The following CCDC69 variants were observed in gnomAD, a reference collection of about 807,000 sequenced individuals.
CCDC69 encodes coiled-coil domain containing 69, also known as coiled-coil domain-containing protein 69.
CCDC69 carries 38 observed loss-of-function variants against 40.3 expected under a neutral mutation model. The ratio of observed to expected loss-of-function variants is 0.94; its 90% CI spans 0.73 to 1.24. The LOEUF (loss-of-function observed/expected upper bound fraction) is 1.24. Among genes scored for constraint, CCDC69 ranks in the 50% most tolerant of loss-of-function variants. The pLI is 0.00. For missense variants in CCDC69, 389 were observed against 357.9 expected, an observed-to-expected ratio of 1.09 and a Z score of -0.70; for synonymous variants, 141 against 138.9, an observed-to-expected ratio of 1.02 and a Z score of -0.11.
At chr5:151,184,791 A>G in intron 7 of CCDC69, 1 of 187,486 alleles carries the variant, frequency 5.3e-6, no homozygotes, top group Non-Finnish European at 1.1e-5. Flanking sequence ...AAATGAGCGA[A>G]CAAAATCTAT....
At chr5:151,213,943 A>G (rs2098588) in intron 1 of CCDC69, among the ~76,000 whole-genome samples, 65,641 of 152,030 alleles carry the variant, frequency 0.43, 17,177 homozygotes, top group African/African-American at 0.75. Context: ...GGCTTACGGG[A>G]ACCCAGAGCA....
intron 1 of CCDC69, among the ~76,000 whole-genome samples, chr5:151,217,116 C>T (rs1435867223): frequency 2.6e-5 from 4 of 152,172 alleles, no homozygotes; most frequent in Admixed American, 2.6e-4. Context: ...TGATGAAACT[C>T]CAAATACCCT....
intron 1 of CCDC69, among the ~76,000 whole-genome samples, chr5:151,214,289 A>G (rs1451621822): frequency 1.3e-5 from 2 of 152,136 alleles, no homozygotes; most frequent in Non-Finnish European, 2.9e-5. Context: ...CCACAGTCAG[A>G]GCCTATTGGC....
In CCDC69 at chr5:151,185,553, CAG is replaced by C. The variant is rs1752495899; in HGVS notation, c.496-14_496-13del. ...GGGCTCCCATAATCCTAGACAGGGACAGAGTGACCTCATTAGGCCAGTAGGCT... is the reference window on the plus strand; with the variant it reads ...GGGCTCCCATAATCCTAGACAGGGACAGTGACCTCATTAGGCCAGTAGGCT... On this transcript the variant is annotated splice_polypyrimidine_tract_variant and intron_variant, in intron 6 of 8. Coordinates refer to ENST00000355417, the MANE Select transcript of CCDC69 (RefSeq NM_015621.3). 1.9e-6 allele frequency: 3 copies of C among 1,613,592 alleles called. No individual in the cohort carries two copies. In the East Asian group the frequency reaches 6.7e-5, roughly 36 times the overall value.
rs971767690 is a variant in CCDC69 at position 151,181,168 on chromosome 5, C to T, written c.*2269G>A. The T allele has an allele frequency of 1.3e-5, 2 of 152,326 alleles. No homozygotes were observed. Among genetic ancestry groups the T allele is most frequent in the African/African-American group, 4.8e-5 (2 of 41,472 alleles). 9.4% of individuals were successfully genotyped at this position (152,326 alleles called of 1,614,324 possible). The stretch of plus-strand genomic sequence containing the variant: ...GTGAGGGAAGCCTGGCTCCCCACAA[C>T]TTGCTCCTTCTCCAGCCCTGCCCCT... On this transcript the variant is annotated 3_prime_UTR_variant, in exon 9 of 9. Transcript: ENST00000355417.
intron 1 of CCDC69, among the ~76,000 whole-genome samples, chr5:151,219,835 C>A (rs569014589): frequency 1.3e-5 from 2 of 152,028 alleles, no homozygotes; most frequent in African/African-American, 4.8e-5. Flanking sequence ...ATTTGCTAGT[C>A]GTAGGTTTGC....
Position 151,217,816 on chromosome 5 carries a change from G to A in CCDC69, c.48+6107C>T, listed in dbSNP as rs138180648. Among the ~76,000 whole-genome samples the A allele has an allele frequency of 1.3e-3, 192 of 152,242 alleles. 1 individual carries two copies. The highest frequency in any genetic ancestry group is 4.4e-3 in the African/African-American group (183 of 41,546). The stretch of plus-strand genomic sequence containing the variant: ...CAAAGACCCTATTTCAAATAATGTC[G>A]CATTTACAGGTTCTGGGTGAATGTA... On this transcript the variant is annotated intron_variant, in intron 1 of 8. Transcript: ENST00000355417.
At chr5:151,212,378 C>T (rs1280321390) in intron 1 of CCDC69, 2 of 167,574 alleles carry the variant, frequency 1.2e-5, no homozygotes, top group African/African-American at 4.8e-5. Flanking sequence ...GGAAATAGAG[C>T]CCCTATACCC....
In CCDC69 at chr5:151,195,176, A is replaced by G. The variant is rs1752679916; in HGVS notation, c.319+3821T>C. On this transcript the variant is annotated intron_variant, in intron 4 of 8. Coordinates refer to ENST00000355417, the MANE Select transcript of CCDC69 (RefSeq NM_015621.3). ...CCAAACAATTTAAAAATAACTATAG[A>G]AGAATTCTGACTAATGGGAAAAACT... Among the ~76,000 whole-genome samples the G allele has an allele frequency of 2.0e-5, 3 of 152,178 alleles. No individual in the cohort carries two copies. The South Asian group carries it at 6.2e-4, about 31-fold the overall frequency.
chr5:151,182,765 C>T lies in CCDC69; in HGVS notation c.*672G>A, dbSNP rs1303989175. The T allele has an allele frequency of 2.5e-5, 8 of 324,170 alleles. No homozygotes were observed. Among genetic ancestry groups the T allele is most frequent in the African/African-American group, 8.7e-5 (4 of 46,172 alleles). The allele number at this position is 324,170 out of a possible 1,614,324, so 20.1% of individuals were successfully genotyped here. The stretch of plus-strand genomic sequence containing the variant: ...TCTGGCTACTGTCCCTTGGTGGACA[C>T]GACTCTGGCCCAGGAATGATGCCTC... On this transcript the variant is annotated 3_prime_UTR_variant, in exon 9 of 9. Transcript: ENST00000355417.
Position 151,183,583 on chromosome 5 carries a change from C to G in CCDC69, c.745G>C (p.Glu249Gln). 1 of 1,612,620 alleles carries G rather than the reference C, an allele frequency of 6.2e-7. No individual in the cohort carries two copies. Among genetic ancestry groups the G allele is most frequent in the Non-Finnish European group, 8.5e-7 (1 of 1,179,538 alleles). The change falls in exon 9 of 9, where the codon GAG becomes CAG. Residue 249 changes from glutamate (E) to glutamine (Q), a missense_variant. Coordinates refer to ENST00000355417, the MANE Select transcript of CCDC69 (RefSeq NM_015621.3). The stretch of plus-strand genomic sequence containing the variant: ...AGCTGCACCTCCTTCTCCAGGGCCT[C>G]ACGCGTGAGAAGCAGGTCTTCTGAC... ...QLSEDLLLTR[E>Q]ALEKEVQLRR...
intron 3 of CCDC69, among the ~76,000 whole-genome samples, chr5:151,199,956 C>T (rs1346461979): frequency 2.0e-5 from 3 of 152,160 alleles, no homozygotes; most frequent in South Asian, 2.1e-4. Context: ...TTCCACCCAG[C>T]GAACACCTGA....
intron 1 of CCDC69, among the ~76,000 whole-genome samples, chr5:151,215,869 A>T (rs1056319271): frequency 6.6e-6 from 1 of 152,240 alleles, no homozygotes; most frequent in Non-Finnish European, 1.5e-5. Context: ...CTGGCTGGAT[A>T]TACTCAGGGA....
rs1488992187 is a variant in CCDC69, at chr5:151,183,108, A to T, written c.*329T>A. ...GACCAGGGGCTGTCTCCTTTATGTC[A>T]AATGGCCAGCGTGACACAGACTGCC... is the stretch of plus-strand genomic sequence containing the variant. On this transcript the variant is annotated 3_prime_UTR_variant, in exon 9 of 9. Transcript: ENST00000355417. 2.0e-6 allele frequency: 1 copy of T among 507,486 alleles called. No homozygotes were observed. Among genetic ancestry groups the T allele is most frequent in the Admixed American group, 2.3e-5 (1 of 43,698 alleles). 31.4% of individuals were successfully genotyped at this position (507,486 alleles called of 1,614,324 possible). A position where few individuals can be genotyped will look rare whatever the true frequency, so the allele number is the denominator to read the frequency against.
At chr5:151,213,079 G>C (rs1752975972) in intron 1 of CCDC69, among the ~76,000 whole-genome samples, 1 of 152,094 alleles carries the variant, frequency 6.6e-6, no homozygotes, top group African/African-American at 2.4e-5. Context: ...AAAGCCTCTG[G>C]TAAGCATAAA....
At chr5:151,212,841 A>G (rs1342459208) in intron 1 of CCDC69, 1 of 456,234 alleles carries the variant, frequency 2.2e-6, no homozygotes, top group East Asian at 6.9e-5. Flanking sequence ...AGGAGGTTCC[A>G]GAAGTTTCAG....
chr5:151,186,554 G>T (rs530365649), intron 5 of CCDC69, among the ~76,000 whole-genome samples: 19 of 152,108 alleles, frequency 1.2e-4, no homozygotes, highest in African/African-American at 4.6e-4. Flanking sequence ...AGGGAACAAT[G>T]TCCTGCTATA....
intron 4 of CCDC69, among the ~76,000 whole-genome samples, chr5:151,196,301 T>C (rs927057112): frequency 1.3e-5 from 2 of 152,042 alleles, no homozygotes; most frequent in African/African-American, 4.8e-5. Flanking sequence ...GCTGGGATTA[T>C]AGGTGCACAC....
At position 151,181,904 on chromosome 5, in the gene CCDC69, C is replaced by A. The variant is rs1436333238; in HGVS notation, c.*1533G>T. ...TCAGCACAGCACTCCCCTAGCCTCA[C>A]CTCTTCCCCCATTTGGCTGTGGAAA... On this transcript the variant is annotated 3_prime_UTR_variant, in exon 9 of 9. Coordinates refer to ENST00000355417, the MANE Select transcript of CCDC69 (RefSeq NM_015621.3). 6.6e-6 allele frequency: 1 copy of A among 152,368 alleles called. No individual in the cohort carries two copies. The highest frequency in any genetic ancestry group is 1.5e-5 in the Non-Finnish European group (1 of 68,162). The allele number at this position is 152,368 out of a possible 1,614,324, so 9.4% of individuals were successfully genotyped here.
Sources: gnomAD v4.1 joint callset for allele counts (sites outside exome capture counted in the v4.1 genomes callset) on GRCh38, gnomAD v4.1.1 for gene constraint, MANE v1.5 for transcripts, NCBI Gene and HGNC (gene_info 2026-07-23, HGNC 2026-07-21) for gene names.